Variants in DIAPH3 observed in about 807,000 individuals in gnomAD.
The protein encoded by DIAPH3 is protein diaphanous homolog 3.
In DIAPH3, 117 loss-of-function variants were observed where a neutral mutation model predicts 144.3. The observed-to-expected ratio is 0.81, with a 90% CI of 0.70 to 0.95. The LOEUF is 0.95. Among genes scored for constraint, DIAPH3 ranks in the 40% least tolerant of loss-of-function variants. The pLI is 0.00. For synonymous variants in DIAPH3, 519 were observed against 488.9 expected (o/e 1.06, Z -0.81); for missense variants, 1,421 against 1,412.7 (o/e 1.01, Z -0.09).
At chr13:60,066,830 T>G (rs1036520264) in intron 4 of DIAPH3, among the ~76,000 whole-genome samples, 1 of 152,264 alleles carries the variant, frequency 6.6e-6, no homozygotes, top group Non-Finnish European at 1.5e-5. Flanking sequence ...ACATTCATTT[T>G]AGATTGCTCA....
chr13:60,095,389 A>G (rs1306840783), intron 3 of DIAPH3, among the ~76,000 whole-genome samples: 1 of 152,106 alleles, frequency 6.6e-6, no homozygotes, highest in Admixed American at 6.5e-5. Flanking sequence ...GGCAATTGTA[A>G]TTATACTCAC....
At chr13:60,081,933 A>T (rs1029764372) in intron 4 of DIAPH3, among the ~76,000 whole-genome samples, 2 of 152,022 alleles carry the variant, frequency 1.3e-5, no homozygotes, top group Non-Finnish European at 2.9e-5. Context: ...CCAGAACAGG[A>T]TCCTACATTG....
intron 18 of DIAPH3, among the ~76,000 whole-genome samples, chr13:59,919,548 T>C (rs2047410311): frequency 6.6e-6 from 1 of 152,068 alleles, no homozygotes. Context: ...CTAAGAATAC[T>C]TTACCGTCAA....
At chr13:59,947,400 T>C (rs2048854094) in intron 17 of DIAPH3, among the ~76,000 whole-genome samples, 1 of 152,188 alleles carries the variant, frequency 6.6e-6, no homozygotes, top group African/African-American at 2.4e-5. Flanking sequence ...CGCTTTCCTA[T>C]TTTGAAATAA....
intron 27 of DIAPH3, among the ~76,000 whole-genome samples, chr13:59,744,096 T>C (rs750659746): frequency 6.6e-6 from 1 of 152,146 alleles, no homozygotes; most frequent in East Asian, 1.9e-4. Context: ...TTGAGAAAAA[T>C]ACATTGAACT....
intron 14 of DIAPH3, among the ~76,000 whole-genome samples, chr13:59,978,370 G>GA (rs907902479): frequency 1.3e-5 from 2 of 150,952 alleles, no homozygotes; most frequent in African/African-American, 4.9e-5. Context: ...TACACAGCAA[G>GA]AAAAAAAATT....
chr13:59,935,043 G>A (rs1465968492), intron 17 of DIAPH3, among the ~76,000 whole-genome samples: 1 of 152,140 alleles, frequency 6.6e-6, no homozygotes, highest in African/African-American at 2.4e-5. Context: ...TGAACAACAC[G>A]TGCTTGCACT....
At chr13:60,037,196 T>C (rs928565242) in intron 5 of DIAPH3, among the ~76,000 whole-genome samples, 19 of 151,992 alleles carry the variant, frequency 1.3e-4, no homozygotes, top group African/African-American at 4.6e-4. Context: ...AAAAAAGATA[T>C]TTTCAAACAG....
At chr13:59,925,314 CTTAT>C (rs534535843) in intron 17 of DIAPH3, among the ~76,000 whole-genome samples, 3 of 152,064 alleles carry the variant, frequency 2.0e-5, no homozygotes, top group Non-Finnish European at 4.4e-5. Context: ...CAATACCATT[CTTAT>C]TTAAAAACAT....
intron 2 of DIAPH3, among the ~76,000 whole-genome samples, chr13:60,121,507 G>C (rs1005781882): frequency 6.6e-6 from 1 of 152,152 alleles, no homozygotes; most frequent in African/African-American, 2.4e-5. Flanking sequence ...CCAACAAGGA[G>C]GAACCAACAG....
chr13:59,739,886 A>G (rs1416571135), intron 27 of DIAPH3, among the ~76,000 whole-genome samples: 1 of 152,174 alleles, frequency 6.6e-6, no homozygotes, highest in Non-Finnish European at 1.5e-5. Context: ...AGAAAGTTCC[A>G]ACAAACAAAA....
chr13:60,042,232 T>TA (rs1351048248), intron 5 of DIAPH3, among the ~76,000 whole-genome samples: 53 of 152,330 alleles, frequency 3.5e-4, no homozygotes, highest in African/African-American at 1.3e-3. Flanking sequence ...TGAATATTTC[T>TA]GGTCATTCTG....
intron 22 of DIAPH3, among the ~76,000 whole-genome samples, chr13:59,842,318 T>G (rs1037254481): frequency 1.3e-5 from 2 of 152,106 alleles, no homozygotes; most frequent in African/African-American, 4.8e-5. Flanking sequence ...TATGCACACA[T>G]GTCAAATTAG....
At chr13:60,015,861 T>C (rs958894558) in intron 7 of DIAPH3, 52 bp downstream of exon 7, 2 of 1,484,266 alleles carry the variant, frequency 1.3e-6, no homozygotes, top group Non-Finnish European at 1.9e-6. Flanking sequence ...CAACTGAAAA[T>C]CATATATTAC....
intron 19 of DIAPH3, among the ~76,000 whole-genome samples, chr13:59,913,480 T>C (rs1256687376): frequency 2.0e-5 from 3 of 152,152 alleles, no homozygotes; most frequent in Non-Finnish European, 4.4e-5. Flanking sequence ...TCTACATCTA[T>C]ACCTATTCAA....
chr13:59,962,992 A>T lies in DIAPH3; in HGVS notation c.2074+6952T>A, dbSNP rs144865404. On this transcript the variant is annotated intron_variant, in intron 17 of 27. Coordinates refer to ENST00000400324, the MANE Select transcript of DIAPH3 (RefSeq NM_001042517.2). ...TTGAAGAAAAAGCTAAATTTCAATT[A>T]GAGGTTAAAGTATGTGGGTTTTTTT... is the stretch of plus-strand genomic sequence containing the variant. Among the ~76,000 whole-genome samples, 700 of 152,322 alleles carry T rather than the reference A, an allele frequency of 4.6e-3. 23 individuals carry two copies. In the East Asian group the frequency reaches 0.093, roughly 20 times the overall value.
intron 12 of DIAPH3, among the ~76,000 whole-genome samples, chr13:59,987,046 T>C (rs1159682298): frequency 6.6e-6 from 1 of 152,086 alleles, no homozygotes; most frequent in Non-Finnish European, 1.5e-5. Flanking sequence ...TGCGGCATTA[T>C]TCACGATAGC....
intron 27 of DIAPH3, among the ~76,000 whole-genome samples, chr13:59,706,061 T>C (rs1489615931): frequency 1.3e-5 from 2 of 152,018 alleles, no homozygotes; most frequent in Middle Eastern, 3.2e-3. Flanking sequence ...CTCTAGTCCT[T>C]GATATAAAAT....
At chr13:60,139,291 T>G (rs546915138) in intron 1 of DIAPH3, among the ~76,000 whole-genome samples, 1 of 152,184 alleles carries the variant, frequency 6.6e-6, no homozygotes, top group African/African-American at 2.4e-5. Flanking sequence ...TAAGTTGACA[T>G]GTTTTTTCAG....
Sources: gnomAD v4.1 joint callset for allele counts (sites outside exome capture counted in the v4.1 genomes callset) on GRCh38, gnomAD v4.1.1 for gene constraint, MANE v1.5 for transcripts, NCBI Gene and HGNC (gene_info 2026-07-23, HGNC 2026-07-21) for gene names.